Variants in STPG2 observed in about 807,000 individuals in gnomAD.
STPG2 encodes sperm tail PG-rich repeat containing 2.
In STPG2, 56 loss-of-function variants were observed where a neutral mutation model predicts 54.2. The observed-to-expected ratio is 1.03, with a 90% confidence interval of 0.83 to 1.29. The LOEUF (loss-of-function observed/expected upper bound fraction) is 1.29. Ranked by LOEUF, STPG2 falls within the 50% of genes most tolerant of loss-of-function variation. The pLI is 0.00. For missense variants in STPG2, 596 were observed against 544.9 expected, an observed-to-expected ratio of 1.09 and a Z score of -0.93; for synonymous variants, 200 against 181.8, an observed-to-expected ratio of 1.10 and a Z score of -0.81.
intron 10 of STPG2, among the ~76,000 whole-genome samples, chr4:97,669,247 C>A (rs1267659566): frequency 6.6e-6 from 1 of 152,044 alleles, no homozygotes; most frequent in Admixed American, 6.6e-5. Context: ...TATTTTGGGA[C>A]TCCTAAAGGC....
chr4:97,464,326 A>G (rs1272489389), intron 4 of STPG2, among the ~76,000 whole-genome samples: 1 of 152,194 alleles, frequency 6.6e-6, no homozygotes, highest in Non-Finnish European at 1.5e-5. Flanking sequence ...TAATCTAGAG[A>G]TTACTTAATA....
intron 5 of STPG2, among the ~76,000 whole-genome samples, chr4:98,102,829 T>TA (rs1739083299): frequency 6.8e-6 from 1 of 147,944 alleles, no homozygotes; most frequent in Non-Finnish European, 1.5e-5. Flanking sequence ...ATAACATATA[T>TA]TAATATATAA....
chr4:97,768,035 C>T (rs779718392), intron 9 of STPG2, among the ~76,000 whole-genome samples: 8 of 151,924 alleles, frequency 5.3e-5, no homozygotes, highest in Admixed American at 2.6e-4. Context: ...GGCGTGGTGG[C>T]GGGCGTCTGT....
chr4:97,740,216 AAAT>A (rs1414703007), intron 9 of STPG2, among the ~76,000 whole-genome samples: 1 of 152,182 alleles, frequency 6.6e-6, no homozygotes, highest in Non-Finnish European at 1.5e-5. Flanking sequence ...ACGTATCTCA[AAAT>A]AATAACAGCT....
At chr4:97,490,413 C>T (rs1485781333) in intron 4 of STPG2, among the ~76,000 whole-genome samples, 1 of 151,506 alleles carries the variant, frequency 6.6e-6, no homozygotes, top group Non-Finnish European at 1.5e-5. Flanking sequence ...AATTTCCATG[C>T]CATTACTTAT....
intron 5 of STPG2, among the ~76,000 whole-genome samples, chr4:98,063,622 A>T (rs1737732771): frequency 1.3e-5 from 2 of 152,198 alleles, no homozygotes; most frequent in African/African-American, 4.8e-5. Flanking sequence ...AGCAGGAAAA[A>T]GAAAATGATA....
At chr4:97,913,480 C>G (rs1268425804) in intron 8 of STPG2, among the ~76,000 whole-genome samples, 1 of 152,148 alleles carries the variant, frequency 6.6e-6, no homozygotes, top group Non-Finnish European at 1.5e-5. Context: ...AGACGATAGG[C>G]TATAGACATA....
chr4:98,039,038 T>C (rs1238685372), intron 5 of STPG2, among the ~76,000 whole-genome samples: 2 of 151,966 alleles, frequency 1.3e-5, no homozygotes, highest in African/African-American at 4.8e-5. Flanking sequence ...AAATAATAAG[T>C]AAGTATAACC....
chr4:97,609,125 A>G (rs1311927696), intron 10 of STPG2, among the ~76,000 whole-genome samples: 1 of 152,106 alleles, frequency 6.6e-6, no homozygotes, highest in Non-Finnish European at 1.5e-5. Context: ...AAGTTTTAAT[A>G]CCTAAAAAAC....
At chr4:97,453,246 G>T (rs1415445308) in intron 4 of STPG2, among the ~76,000 whole-genome samples, 1 of 152,230 alleles carries the variant, frequency 6.6e-6, no homozygotes, top group Non-Finnish European at 1.5e-5. Flanking sequence ...TGGTCCAGCT[G>T]CAGCCTCGCA....
intron 8 of STPG2, among the ~76,000 whole-genome samples, chr4:97,878,581 T>C (rs1605259): frequency 0.58 from 88,526 of 152,006 alleles, 26,352 homozygotes; most frequent in East Asian, 0.74. Flanking sequence ...ATTTTAGCCA[T>C]GGCTACAGCA....
intron 4 of STPG2, among the ~76,000 whole-genome samples, chr4:97,537,378 T>C (rs1731560242): frequency 6.6e-6 from 1 of 152,148 alleles, no homozygotes; most frequent in South Asian, 2.1e-4. Context: ...TCTTAGCAAA[T>C]GGCACACCAT....
intron 9 of STPG2, among the ~76,000 whole-genome samples, chr4:97,787,903 C>T (rs909470967): frequency 6.6e-6 from 1 of 150,902 alleles, no homozygotes; most frequent in African/African-American, 2.4e-5. Context: ...ATAGCTATTC[C>T]TAATATTCAT....
chr4:97,900,001 A>C (rs753975647), intron 8 of STPG2, among the ~76,000 whole-genome samples: 2 of 151,674 alleles, frequency 1.3e-5, no homozygotes, highest in Non-Finnish European at 3.0e-5. Context: ...ACAGAATGGA[A>C]GGAAATTTTT....
At chr4:98,124,476 C>A (rs563636020) in intron 3 of STPG2, among the ~76,000 whole-genome samples, 1 of 152,160 alleles carries the variant, frequency 6.6e-6, no homozygotes, top group African/African-American at 2.4e-5. Flanking sequence ...GTTGGAAATT[C>A]TTTTCTTTCA....
chr4:97,571,653 G>A (rs1732603892), intron 10 of STPG2, among the ~76,000 whole-genome samples: 1 of 152,094 alleles, frequency 6.6e-6, no homozygotes, highest in South Asian at 2.1e-4. Context: ...CTTGTCTTGA[G>A]TTGTCCCACC....
intron 5 of STPG2, among the ~76,000 whole-genome samples, chr4:98,050,936 C>T (rs1338751996): frequency 4.6e-5 from 7 of 150,896 alleles, no homozygotes; most frequent in South Asian, 2.1e-4. Context: ...ACCTGGGAGG[C>T]GGAGCTTGCA....
At chr4:98,079,408 C>T (rs1403292877) in intron 5 of STPG2, among the ~76,000 whole-genome samples, 1 of 152,170 alleles carries the variant, frequency 6.6e-6, no homozygotes, top group Non-Finnish European at 1.5e-5. Flanking sequence ...CCAGTATAAG[C>T]TGGCTGCAGG....
intron 10 of STPG2, among the ~76,000 whole-genome samples, chr4:97,608,371 A>G (rs967137438): frequency 1.3e-5 from 2 of 152,034 alleles, no homozygotes; most frequent in Non-Finnish European, 1.5e-5. Flanking sequence ...TGTAATGCTC[A>G]GAGGAATGAA....
Sources: gnomAD v4.1 joint callset for allele counts (sites outside exome capture counted in the v4.1 genomes callset) on GRCh38, gnomAD v4.1.1 for gene constraint, MANE v1.5 for transcripts, NCBI Gene and HGNC (gene_info 2026-07-23, HGNC 2026-07-21) for gene names.